VDR: variants seen among roughly 807,000 people sequenced by gnomAD.
The protein encoded by VDR is vitamin D3 receptor.
In VDR, 19 loss-of-function variants were observed where a neutral mutation model predicts 39.7. That is an observed-to-expected ratio of 0.48 (90% CI 0.33 to 0.70). The LOEUF (loss-of-function observed/expected upper bound fraction) is 0.70, where lower values mean the gene tolerates loss of function less well. VDR is among the 30% of genes least tolerant of loss of function. VDR has a pLI of 0.02. For synonymous variants in VDR, 242 were observed against 215.8 expected (o/e 1.12, Z -1.07); for missense variants, 442 against 570.5 (o/e 0.77, Z 2.29).
intron 4 of VDR, among the ~76,000 whole-genome samples, chr12:47,859,909 C>T (rs1945582212): frequency 2.4e-4 from 11 of 45,960 alleles, no homozygotes; most frequent in African/African-American, 8.5e-4. Context: ...TTCCTTCCTT[C>T]CTTCCTTCTT....
intron 1 of VDR, among the ~76,000 whole-genome samples, chr12:47,892,301 G>A (rs1171431191): frequency 6.6e-6 from 1 of 152,232 alleles, no homozygotes; most frequent in Non-Finnish European, 1.5e-5. Flanking sequence ...CACTTCCCCT[G>A]TACTGTGTTC....
chr12:47,861,685 T>C (rs745797813), intron 4 of VDR, among the ~76,000 whole-genome samples: 6 of 152,152 alleles, frequency 3.9e-5, no homozygotes, highest in Non-Finnish European at 7.4e-5. Flanking sequence ...GCGTCTAAAG[T>C]GCATGAGTTT....
intron 7 of VDR, among the ~76,000 whole-genome samples, chr12:47,849,741 T>C (rs1393422705): frequency 6.6e-6 from 1 of 152,234 alleles, no homozygotes; most frequent in Admixed American, 6.5e-5. Flanking sequence ...TAAAACATAC[T>C]CATTATCAAA....
At chr12:47,852,799 A>T (rs565913946) in intron 7 of VDR, among the ~76,000 whole-genome samples, 3 of 152,242 alleles carry the variant, frequency 2.0e-5, no homozygotes, top group Non-Finnish European at 4.4e-5. Context: ...GCAATAACTC[A>T]TGGCTTTTCT....
rs573880777 is a variant in VDR at position 47,880,258 on chromosome 12, C to A, written c.-2-1143G>T. On this transcript the variant is annotated intron_variant, in intron 2 of 9. Coordinates refer to ENST00000549336, the MANE Select transcript of VDR (RefSeq NM_000376.3). ...AAGAACCCACTCCACCCCAGGGTAC[C>A]ATTTCCTCCTGCCCTTGGGTGACAG... is the stretch of plus-strand genomic sequence containing the variant. 2.0e-5 allele frequency among the ~76,000 whole-genome samples: 3 copies of A among 152,262 alleles called. No individual in the cohort carries two copies. The East Asian group carries it at 5.8e-4, about 29-fold the overall frequency.
chr12:47,877,840 C>T (rs116640583), intron 3 of VDR, among the ~76,000 whole-genome samples: 116 of 152,306 alleles, frequency 7.6e-4, no homozygotes, highest in African/African-American at 1.8e-3. Context: ...GGAAGCCAAG[C>T]GGGCAGCCAG....
chr12:47,902,301 G>T (rs1946579353), intron 1 of VDR, among the ~76,000 whole-genome samples: 1 of 152,206 alleles, frequency 6.6e-6, no homozygotes, highest in Non-Finnish European at 1.5e-5. Flanking sequence ...ACAAATCAGA[G>T]GGAAGCAAAA....
At chr12:47,846,953 G>A in intron 7 of VDR, 145 bp from the exon 8 acceptor site, 1 of 934,034 alleles carries the variant, frequency 1.1e-6, no homozygotes, top group Non-Finnish European at 1.7e-6. Context: ...AGGCTGGCTG[G>A]AAGGGACAAG....
chr12:47,851,758 C>T (rs1945392457), intron 7 of VDR, among the ~76,000 whole-genome samples: 1 of 152,234 alleles, frequency 6.6e-6, no homozygotes, highest in Non-Finnish European at 1.5e-5. Context: ...CTTAGCAAGG[C>T]CTGCTCCATT....
In VDR at chr12:47,844,290, T is replaced by G; in HGVS notation, c.*456A>C. ...GGTGGGGTGGGAGCTGTGGGCCGATTATTTATCGTGAGTAGGCAGGAGAGG... is the reference window on the plus strand; with the variant it reads ...GGTGGGGTGGGAGCTGTGGGCCGATGATTTATCGTGAGTAGGCAGGAGAGG... On this transcript the variant is annotated 3_prime_UTR_variant, in exon 10 of 10. Coordinates refer to ENST00000549336, the MANE Select transcript of VDR (RefSeq NM_000376.3). 4.0e-6 allele frequency: 1 copy of G among 246,964 alleles called. No homozygotes were observed. The highest frequency in any genetic ancestry group is 9.8e-5 in the East Asian group (1 of 10,198). The allele number at this position is 246,964 out of a possible 1,614,324, so 15.3% of individuals were successfully genotyped here.
chr12:47,845,749 A>G (rs1592095014), intron 9 of VDR, among the ~76,000 whole-genome samples: 1 of 152,170 alleles, frequency 6.6e-6, no homozygotes, highest in East Asian at 1.9e-4. Flanking sequence ...CCAGGAAAGC[A>G]TCCCTGGGCA....
chr12:47,882,628 T>TCCCCCCCCCCCCCCCCCCC, intron 2 of VDR, 66 bp downstream of exon 2: 3 of 187,186 alleles, frequency 1.6e-5, no homozygotes, highest in South Asian at 3.3e-5. Context: ...CTTATGCCCC[T>TCCCCCCCCCCCCCCCCCCC]CCCCCCCACC....
chr12:47,889,299 T>A (rs548011316), intron 1 of VDR, among the ~76,000 whole-genome samples: 43 of 152,208 alleles, frequency 2.8e-4, no homozygotes, highest in African/African-American at 9.6e-4. Context: ...GGCGAGGATG[T>A]GGTGTGGGGT....
intron 7 of VDR, among the ~76,000 whole-genome samples, chr12:47,854,762 C>T (rs1293427958): frequency 2.6e-5 from 4 of 152,264 alleles, no homozygotes; most frequent in African/African-American, 9.6e-5. Flanking sequence ...CCAGAAAGTG[C>T]GGGGATGGAC....
At chr12:47,855,022 G>A (rs550456779) in intron 7 of VDR, among the ~76,000 whole-genome samples, 6 of 152,110 alleles carry the variant, frequency 3.9e-5, no homozygotes, top group African/African-American at 9.6e-5. Flanking sequence ...GCGAAACTCC[G>A]TCTCTACTAA....
intron 4 of VDR, among the ~76,000 whole-genome samples, chr12:47,864,633 A>G (rs1261730831): frequency 6.6e-6 from 1 of 152,168 alleles, no homozygotes; most frequent in Non-Finnish European, 1.5e-5. Context: ...TCCCAAGCCC[A>G]TAGAACCTGG....
intron 7 of VDR, among the ~76,000 whole-genome samples, chr12:47,847,995 G>A (rs972571168): frequency 2.0e-5 from 3 of 152,066 alleles, no homozygotes; most frequent in African/African-American, 7.2e-5. Flanking sequence ...CGCCTCCCAG[G>A]TTCACGCCAT....
At position 47,865,036 on chromosome 12, in the gene VDR, T is replaced by C; in HGVS notation, c.277+11A>G. ...TCAGGCCCAAACCCTGCCCAGCCCC[T>C]GGACACTCACACTCCTTCATCATGC... On this transcript the variant is annotated intron_variant, in intron 4 of 9. Coordinates refer to ENST00000549336, the MANE Select transcript of VDR (RefSeq NM_000376.3). The C allele has an allele frequency of 1.2e-6, 2 of 1,612,344 alleles. No homozygotes were observed. Among genetic ancestry groups the C allele is most frequent in the Admixed American group, 1.7e-5 (1 of 59,978 alleles).
chr12:47,898,116 C>G (rs1351482929), intron 1 of VDR, among the ~76,000 whole-genome samples: 2 of 152,104 alleles, frequency 1.3e-5, no homozygotes, highest in African/African-American at 4.8e-5. Flanking sequence ...TCAAGCACTG[C>G]TGGTGGAAGC....
Sources: gnomAD v4.1 joint callset for allele counts (sites outside exome capture counted in the v4.1 genomes callset) on GRCh38, gnomAD v4.1.1 for gene constraint, MANE v1.5 for transcripts, NCBI Gene and HGNC (gene_info 2026-07-23, HGNC 2026-07-21) for gene names.